MTFMT: variants seen among roughly 807,000 people sequenced by gnomAD.
MTFMT encodes methionyl-tRNA formyltransferase, mitochondrial.
In MTFMT, 47 loss-of-function variants were observed where a neutral mutation model predicts 51.8. The observed-to-expected ratio is 0.91, with a 90% CI of 0.72 to 1.16. The LOEUF (loss-of-function observed/expected upper bound fraction) is 1.16, where lower values mean the gene tolerates loss of function less well. Among genes scored for constraint, MTFMT ranks in the 50% most tolerant of loss-of-function variants. MTFMT has a pLI of 0.00. For missense variants in MTFMT, 512 were observed against 482.3 expected (o/e 1.06, Z -0.58); for synonymous variants, 196 against 176.7 (o/e 1.11, Z -0.87).
In MTFMT at chr15:65,023,759, C is replaced by T. The variant is rs1449136095; in HGVS notation, c.455G>A (p.Arg152Lys). The change falls in exon 3 of 9, where the codon AGA becomes AAA. Residue 152 changes from arginine (R) to lysine (K), a missense_variant. By Grantham distance (26) the Arg-to-Lys change is conservative (BLOSUM62 2). Transcript: ENST00000220058. ...GATTACAGGGGCTGGGCCACGCCAT[C>T]TCGGGAGGCAACTGGGATGAACATT... is the stretch of plus-strand genomic sequence containing the variant. ...ILNVHPSCLP[R>K]WRGPAPVIHT... 7 of 1,613,022 alleles carry T rather than the reference C, an allele frequency of 4.3e-6. No homozygotes were observed. The highest frequency in any genetic ancestry group is 5.9e-6 in the Non-Finnish European group (7 of 1,179,474).
intron 3 of MTFMT, among the ~76,000 whole-genome samples, chr15:65,022,455 GAA>G (rs771754645): frequency 0.021 from 2,468 of 115,600 alleles, 28 homozygotes; most frequent in Admixed American, 0.031. Context: ...CCCGTCTCAA[GAA>G]AAAAAAAAAA....
intron 5 of MTFMT, among the ~76,000 whole-genome samples, chr15:65,019,257 C>T (rs764153918): frequency 6.6e-6 from 1 of 152,162 alleles, no homozygotes; most frequent in Non-Finnish European, 1.5e-5. Context: ...GATATCTTGG[C>T]TTACTCAAGT....
intron 6 of MTFMT, among the ~76,000 whole-genome samples, chr15:65,014,619 C>A (rs1389832761): frequency 6.6e-6 from 1 of 150,554 alleles, no homozygotes; most frequent in Non-Finnish European, 1.5e-5. Flanking sequence ...AGCCACCATG[C>A]CCGGTCTTTT....
At position 65,024,229 on chromosome 15, in the gene MTFMT, G is replaced by C. The variant is rs1471606004; in HGVS notation, c.420-435C>G. 3.3e-5 allele frequency among the ~76,000 whole-genome samples: 5 copies of C among 152,358 alleles called. No individual in the cohort carries two copies. The South Asian group carries it at 8.3e-4, about 25-fold the overall frequency. On this transcript the variant is annotated intron_variant, in intron 2 of 8. Transcript: ENST00000220058. The stretch of plus-strand genomic sequence containing the variant: ...TAATCCCAGCTACTCGGAAGGCTGA[G>C]ACAGGAGAATCGCTTGAACCTGGGA...
intron 4 of MTFMT, among the ~76,000 whole-genome samples, chr15:65,020,961 T>A (rs76290592): frequency 0.018 from 2,682 of 152,322 alleles, 31 homozygotes; most frequent in Non-Finnish European, 0.026. Flanking sequence ...GAAAAAAATA[T>A]TCCTCTGTAT....
At chr15:65,015,115 G>C (rs2086307648) in intron 6 of MTFMT, among the ~76,000 whole-genome samples, 1 of 152,068 alleles carries the variant, frequency 6.6e-6, no homozygotes, top group South Asian at 2.1e-4. Flanking sequence ...TGTACAAGAT[G>C]CTGTAAATAT....
chr15:65,006,922 G>A (rs1226599543), intron 6 of MTFMT, among the ~76,000 whole-genome samples: 1 of 152,148 alleles, frequency 6.6e-6, no homozygotes. Context: ...GATAGAGACA[G>A]GAGACAGCCA....
intron 4 of MTFMT, among the ~76,000 whole-genome samples, chr15:65,021,162 A>G (rs1473293745): frequency 6.6e-6 from 1 of 152,214 alleles, no homozygotes; most frequent in Admixed American, 6.5e-5. Context: ...GAAAGCTAAG[A>G]GTCGCTTAGA....
intron 4 of MTFMT, among the ~76,000 whole-genome samples, chr15:65,020,846 G>C (rs552507851): frequency 3.3e-5 from 5 of 152,116 alleles, no homozygotes; most frequent in Non-Finnish European, 5.9e-5. Flanking sequence ...ACAGTATCTA[G>C]AACAGTTGTA....
In MTFMT at chr15:65,001,968, G is replaced by A. The variant is rs1041566363; in HGVS notation, c.*1094C>T. 1 of 152,102 alleles carries A rather than the reference G, an allele frequency of 6.6e-6. No homozygotes were observed. The highest frequency in any genetic ancestry group is 1.5e-5 in the Non-Finnish European group (1 of 68,028). The allele number at this position is 152,102 out of a possible 1,614,324, so 9.4% of individuals were successfully genotyped here. A position where few individuals can be genotyped will look rare whatever the true frequency, so the allele number is the denominator to read the frequency against. Reference sequence around the variant, plus strand: ...AAATATTACCTACGTTTACTACTTGGTTAAATCTAGCTGGTAGTGAAATGT... The same window carrying A: ...AAATATTACCTACGTTTACTACTTGATTAAATCTAGCTGGTAGTGAAATGT... On this transcript the variant is annotated 3_prime_UTR_variant, in exon 9 of 9. Transcript: ENST00000220058.
intron 2 of MTFMT, chr15:65,026,177 G>C (rs1276603319): frequency 6.4e-6 from 1 of 156,040 alleles, no homozygotes; most frequent in African/African-American, 2.4e-5. Context: ...TCCACAAGCA[G>C]AAAGGAATCT....
At chr15:65,026,527 T>C in intron 2 of MTFMT, 1 of 307,646 alleles carries the variant, frequency 3.3e-6, no homozygotes, top group East Asian at 6.8e-5. Context: ...CATCTTAAGT[T>C]ACTGGATTCA....
chr15:65,005,084 CTT>C (rs1350306266), intron 7 of MTFMT, 148 bp from the exon 8 acceptor site: 1 of 602,866 alleles, frequency 1.7e-6, no homozygotes, highest in African/African-American at 1.9e-5. Context: ...TAAACCAAAA[CTT>C]ACAAGGAAAC....
chr15:65,016,492 A>G lies in MTFMT; in HGVS notation c.757T>C (p.Trp253Arg). Residue 253 changes from tryptophan (W) to arginine (R), a missense_variant, in exon 6 of 9, where the codon TGG becomes CGG. Transcript: ENST00000220058. ...ATTTGTTCTGAAGTTTGTTCCTCCC[A>G]TTTTATACAACTGGTACCAGCAGAA... is the stretch of plus-strand genomic sequence containing the variant. ...KISAGTSCIK[W>R]EEQTSEQIFR... The G allele has an allele frequency of 6.2e-7, 1 of 1,612,600 alleles. No homozygotes were observed. Among genetic ancestry groups the G allele is most frequent in the Non-Finnish European group, 8.5e-7 (1 of 1,178,978 alleles).
At chr15:65,022,455 G>GAA (rs771754645) in intron 3 of MTFMT, among the ~76,000 whole-genome samples, 3 of 115,626 alleles carry the variant, frequency 2.6e-5, no homozygotes, top group Admixed American at 8.6e-5. Flanking sequence ...CCCGTCTCAA[G>GAA]AAAAAAAAAA....
intron 8 of MTFMT, among the ~76,000 whole-genome samples, chr15:65,003,874 A>T (rs2086199805): frequency 6.7e-6 from 1 of 150,222 alleles, no homozygotes; most frequent in Admixed American, 6.6e-5. Flanking sequence ...AAAGGGAAAT[A>T]CATATATATA....
Sources: gnomAD v4.1 joint callset for allele counts (sites outside exome capture counted in the v4.1 genomes callset) on GRCh38, gnomAD v4.1.1 for gene constraint, MANE v1.5 for transcripts, NCBI Gene and HGNC (gene_info 2026-07-23, HGNC 2026-07-21) for gene names.